Variants in ZDHHC1 observed in about 807,000 individuals in gnomAD.
ZDHHC1 encodes the protein zDHHC palmitoyltransferase 1, also known as palmitoyltransferase ZDHHC1.
Under a neutral mutation model 46.9 loss-of-function variants are expected in ZDHHC1, and 45 were observed. That is an observed-to-expected ratio of 0.96 (90% CI 0.76 to 1.23). ZDHHC1 has a LOEUF of 1.23. Ranked by LOEUF, ZDHHC1 falls within the 50% of genes most tolerant of loss-of-function variation. The pLI is 0.00. For synonymous variants in ZDHHC1, 291 were observed against 286.0 expected (o/e 1.02, Z -0.18); for missense variants, 649 against 670.8 (o/e 0.97, Z 0.36).
intron 4 of ZDHHC1, 29 bp from the exon 5 acceptor site, chr16:67,399,485 G>T: frequency 6.3e-7 from 1 of 1,581,836 alleles, no homozygotes; most frequent in Non-Finnish European, 8.7e-7. Flanking sequence ...CAGCGCGATT[G>T]GCCGGCTCAT....
In ZDHHC1 at chr16:67,395,530, G is replaced by C; in HGVS notation, c.964C>G (p.Arg322Gly). 1.3e-6 allele frequency: 2 copies of C among 1,555,104 alleles called. No individual in the cohort carries two copies. Among genetic ancestry groups the C allele is most frequent in the Middle Eastern group, 1.7e-4 (1 of 5,992 alleles). ...EFYMRTFRHM[R>G]PEPPGQAGPA... ...CCGGCCTGGCCAGGGGGCTCTGGGC[G>C]CATATGTCTGAAGGTCCGCATGTAG... The change falls in exon 9 of 12, where the codon CGC becomes GGC. Residue 322 changes from arginine (R) to glycine (G), a missense_variant. By Grantham distance (125) the Arg-to-Gly change is moderately radical. Transcript: ENST00000565726.
In ZDHHC1 at chr16:67,401,640, T is replaced by G. The variant is rs2142238945; in HGVS notation, c.253-508A>C. On this transcript the variant is annotated intron_variant, in intron 3 of 11. Coordinates refer to ENST00000565726, the MANE Select transcript of ZDHHC1 (RefSeq NM_001323627.2). This position sits in a 1 kb window ranked among gnomAD's most constrained non-coding sequence, Gnocchi z 4.6. ...TAGCTGGGCCAGATGGAGAACCCCT[T>G]GCAGACACGGATTCGGACACTTGCT... 6.6e-6 allele frequency among the ~76,000 whole-genome samples: 1 copy of G among 152,292 alleles called. No individual in the cohort carries two copies. The highest frequency in any genetic ancestry group is 2.4e-5 in the African/African-American group (1 of 41,564).
intron 1 of ZDHHC1, among the ~76,000 whole-genome samples, chr16:67,414,630 A>T (rs78138943): frequency 6.6e-6 from 1 of 152,180 alleles, no homozygotes; most frequent in Non-Finnish European, 1.5e-5. Flanking sequence ...ATCATTTCCA[A>T]CTGTTCTTGT....
intron 1 of ZDHHC1, among the ~76,000 whole-genome samples, chr16:67,410,810 C>T (rs1345942654): frequency 6.6e-6 from 1 of 152,030 alleles, no homozygotes; most frequent in Non-Finnish European, 1.5e-5. Context: ...GGATTACAGG[C>T]ATGCACCACC....
chr16:67,406,106 C>G lies in ZDHHC1; in HGVS notation c.252+94G>C. 1 of 1,493,616 alleles carries G rather than the reference C, an allele frequency of 6.7e-7. No individual in the cohort carries two copies. The highest frequency in any genetic ancestry group is 8.9e-7 in the Non-Finnish European group (1 of 1,118,972). 92.5% of individuals were successfully genotyped at this position (1,493,616 alleles called of 1,614,324 possible). Reference sequence around the variant, plus strand: ...TGCTCCACTCTCCTGACTGTGCTCCCCAAGGCTCTCAACCCGGCTTTGGGC... The same window carrying G: ...TGCTCCACTCTCCTGACTGTGCTCCGCAAGGCTCTCAACCCGGCTTTGGGC... On this transcript the variant is annotated intron_variant, in intron 3 of 11. Transcript: ENST00000565726. This position sits in a 1 kb window ranked among gnomAD's most constrained non-coding sequence, Gnocchi z 4.1.
intron 8 of ZDHHC1, among the ~76,000 whole-genome samples, chr16:67,396,883 A>T (rs2040445055): frequency 6.6e-6 from 1 of 152,236 alleles, no homozygotes; most frequent in East Asian, 1.9e-4. Context: ...AGGAGGTCTC[A>T]GAAGCTGAGG....
In ZDHHC1 at chr16:67,398,325, C is replaced by CTA; in HGVS notation, c.815-2_815-1insTA. ...TCATAGGTGGTGAGCTTGTGCCACA[C>CTA]TGGTGGGGGGAGGAGAGGGCTCAGT... On this transcript the variant is annotated splice_acceptor_variant, in intron 7 of 11. Coordinates refer to ENST00000565726, the MANE Select transcript of ZDHHC1 (RefSeq NM_001323627.2). LOFTEE classifies it high-confidence loss of function. 1 of 1,612,532 alleles carries CTA rather than the reference C, an allele frequency of 6.2e-7. No homozygotes were observed. Among genetic ancestry groups the CTA allele is most frequent in the Non-Finnish European group, 8.5e-7 (1 of 1,179,214 alleles).
chr16:67,408,883 G>A (rs551170808), intron 1 of ZDHHC1, among the ~76,000 whole-genome samples: 2 of 152,306 alleles, frequency 1.3e-5, no homozygotes, highest in East Asian at 3.9e-4. Context: ...ATATGATTGG[G>A]TTGGATGGTT....
chr16:67,411,168 G>C (rs1333152604), intron 1 of ZDHHC1, among the ~76,000 whole-genome samples: 1 of 152,140 alleles, frequency 6.6e-6, no homozygotes, highest in Admixed American at 6.5e-5. Context: ...AAGGTGAAAA[G>C]TACCAGCCCT....
intron 5 of ZDHHC1, 84 bp downstream of exon 5, chr16:67,399,271 G>T: frequency 7.8e-7 from 1 of 1,276,156 alleles, no homozygotes; most frequent in Non-Finnish European, 1.1e-6. Context: ...ATCCCCGCCC[G>T]CCTGCCATGC....
chr16:67,402,151 A>C (rs1172838634), intron 3 of ZDHHC1, among the ~76,000 whole-genome samples: 1 of 152,214 alleles, frequency 6.6e-6, no homozygotes, highest in Non-Finnish European at 1.5e-5. Flanking sequence ...TCCTGTGGCC[A>C]TCACTACCCC....
chr16:67,411,542 C>G (rs949667897), intron 1 of ZDHHC1, among the ~76,000 whole-genome samples: 1 of 152,086 alleles, frequency 6.6e-6, no homozygotes, highest in Middle Eastern at 3.2e-3. Flanking sequence ...CCAAGTCTGG[C>G]GAAACTTTAG....
intron 9 of ZDHHC1, 79 bp downstream of exon 9, chr16:67,395,405 C>T: frequency 6.5e-7 from 1 of 1,540,756 alleles, no homozygotes; most frequent in Non-Finnish European, 8.7e-7. Flanking sequence ...CCGACCTTAG[C>T]CTACCCCCTT....
At position 67,401,630 on chromosome 16, in the gene ZDHHC1, G is replaced by A. The variant is rs751852940; in HGVS notation, c.253-498C>T. On this transcript the variant is annotated intron_variant, in intron 3 of 11. Coordinates refer to ENST00000565726, the MANE Select transcript of ZDHHC1 (RefSeq NM_001323627.2). This position sits in a 1 kb window ranked among gnomAD's most constrained non-coding sequence, Gnocchi z 4.6. ...CCCTTTTCAGTAGCTGGGCCAGATG[G>A]AGAACCCCTTGCAGACACGGATTCG... Among the ~76,000 whole-genome samples the A allele has an allele frequency of 3.9e-5, 6 of 152,272 alleles. No individual in the cohort carries two copies. The East Asian group carries it at 7.7e-4, about 20-fold the overall frequency.
intron 1 of ZDHHC1, among the ~76,000 whole-genome samples, chr16:67,414,057 C>A (rs1029611800): frequency 9.7e-4 from 147 of 151,868 alleles, no homozygotes; most frequent in African/African-American, 3.4e-3. Flanking sequence ...CCTGAAGCAA[C>A]CACTGCAAAT....
At chr16:67,405,374 C>G (rs1244519121) in intron 3 of ZDHHC1, among the ~76,000 whole-genome samples, 1 of 152,222 alleles carries the variant, frequency 6.6e-6, no homozygotes, top group Non-Finnish European at 1.5e-5. Flanking sequence ...TGAGCAGGGA[C>G]AGAGCTCACC....
At position 67,394,799 on chromosome 16, in the gene ZDHHC1, C is replaced by CTG; in HGVS notation, c.1259_1260insCA (p.Ala421ArgfsTer45). Reference sequence around the variant, plus strand: ...TCTCGTCCACGGACTCTGCCGACGCCGAGTGGTAGGCGCCGGCAGGGCCAG... The same window carrying CTG: ...TCTCGTCCACGGACTCTGCCGACGCCTGGAGTGGTAGGCGCCGGCAGGGCCAG... On this transcript the variant is annotated frameshift_variant, in exon 12 of 12. Transcript: ENST00000565726. LOFTEE classifies it low-confidence loss of function (END_TRUNC). The CTG allele has an allele frequency of 6.5e-7, 1 of 1,527,460 alleles. No individual in the cohort carries two copies. The highest frequency in any genetic ancestry group is 8.8e-7 in the Non-Finnish European group (1 of 1,141,688). 94.6% of individuals were successfully genotyped at this position (1,527,460 alleles called of 1,614,324 possible).
chr16:67,398,149 T>G, intron 8 of ZDHHC1, 63 bp downstream of exon 8: 2 of 1,529,876 alleles, frequency 1.3e-6, no homozygotes, highest in Non-Finnish European at 1.8e-6. Flanking sequence ...CCTCACTGGC[T>G]GCTCGCTGCA....
At chr16:67,404,594 G>T (rs952893052) in intron 3 of ZDHHC1, 1 of 438,794 alleles carries the variant, frequency 2.3e-6, no homozygotes, top group Admixed American at 2.5e-5. Context: ...AACCCTGAAT[G>T]CGGAGACAAA....
Sources: allele counts gnomAD v4.1 joint callset (sites outside exome capture counted in the v4.1 genomes callset), GRCh38; gene constraint gnomAD v4.1.1; non-coding constraint Gnocchi (gnomAD v3.1); transcripts MANE v1.5; gene names NCBI Gene and HGNC (gene_info 2026-07-23, HGNC 2026-07-21).